Variants in TOP3A observed in about 807,000 individuals in gnomAD.
TOP3A encodes DNA topoisomerase III alpha.
In TOP3A, 64 loss-of-function variants were observed where a neutral mutation model predicts 111.3. That is an observed-to-expected ratio of 0.57 (90% CI 0.47 to 0.71). TOP3A has a LOEUF of 0.71. Among genes scored for constraint, TOP3A ranks in the 30% least tolerant of loss-of-function variants. The probability of loss-of-function intolerance (pLI) is 0.00; values close to 1 mark genes in which losing one functional copy is unlikely to be tolerated. For missense variants in TOP3A, 1,104 were observed against 1,285.0 expected (o/e 0.86, Z 2.15); for synonymous variants, 484 against 485.1 (o/e 1.00, Z 0.03).
chr17:18,302,027 A>G (rs371249024), intron 7 of TOP3A, 42 bp from the exon 8 acceptor site: 164 of 1,573,120 alleles, frequency 1.0e-4, no homozygotes, highest in Non-Finnish European at 1.3e-4. Context: ...TGTCTCAGAG[A>G]CATGTCATGA....
chr17:18,302,548 T>C (rs1315476574), intron 6 of TOP3A, 32 bp downstream of exon 6: 3 of 1,607,786 alleles, frequency 1.9e-6, no homozygotes, highest in East Asian at 2.2e-5. Context: ...AACATTAATG[T>C]GGCCATGGGA....
rs1567731583 is a variant in TOP3A at position 18,274,969 on chromosome 17, CTCCAGAAGTCCCTGTCG to C, written c.2828-6_2838del. On this transcript the variant is annotated splice_acceptor_variant and splice_polypyrimidine_tract_variant and coding_sequence_variant and intron_variant, in exon 19 of 19. Transcript: ENST00000321105. LOFTEE classifies it high-confidence loss of function. ...CCTCTGTCTCCTGTCCAGGACGGGG[CTCCAGAAGTCCCTGTCG>C]GGAGAGTCAGGGGAGGGGTGAGGTT... is the stretch of plus-strand genomic sequence containing the variant. The C allele has an allele frequency of 6.2e-7, 1 of 1,613,624 alleles. No homozygotes were observed. The highest frequency in any genetic ancestry group is 1.7e-5 in the Admixed American group (1 of 59,914).
At chr17:18,301,828 A>G in intron 8 of TOP3A, 57 bp downstream of exon 8, 2 of 1,404,478 alleles carry the variant, frequency 1.4e-6, no homozygotes, top group South Asian at 2.3e-5. Flanking sequence ...CTCTGCCGAC[A>G]GTGGGAGTGG....
intron 1 of TOP3A, chr17:18,313,032 C>T (rs1982010210): frequency 6.6e-6 from 1 of 152,430 alleles, no homozygotes; most frequent in South Asian, 2.1e-4. Context: ...ATCGCTTGAA[C>T]CCGGGAGGCG....
In TOP3A at chr17:18,305,135, T is replaced by C; in HGVS notation, c.476A>G (p.Glu159Gly). Residue 159 changes from glutamate to glycine, a missense_variant, in exon 5 of 19, where the codon GAG becomes GGG. Transcript: ENST00000321105. ...CDREGENIGF[E>G]IIHVCKAVKP... ...ACCAGCCTTACACACGTGGATAATCTCAAACCCGATGTTTTCGCCTTCTCT... is the reference window on the plus strand; with the variant it reads ...ACCAGCCTTACACACGTGGATAATCCCAAACCCGATGTTTTCGCCTTCTCT... 3 of 1,614,128 alleles carry C rather than the reference T, an allele frequency of 1.9e-6. No homozygotes were observed. Among genetic ancestry groups the C allele is most frequent in the Non-Finnish European group, 2.5e-6 (3 of 1,179,990 alleles).
intron 4 of TOP3A, among the ~76,000 whole-genome samples, chr17:18,305,550 C>T (rs919198844): frequency 8.6e-5 from 13 of 152,018 alleles, no homozygotes; most frequent in African/African-American, 2.4e-4. Flanking sequence ...TTAAAAAAAA[C>T]GAAGCCGGCT....
intron 15 of TOP3A, among the ~76,000 whole-genome samples, chr17:18,284,456 T>C (rs1979966877): frequency 6.6e-6 from 1 of 152,182 alleles, no homozygotes; most frequent in African/African-American, 2.4e-5. Context: ...ATCACAGGGT[T>C]GGTTCCCTGA....
rs902728314 is a variant in TOP3A at position 18,286,037 on chromosome 17, CA to C, written c.1598-518del. 9.2e-5 allele frequency among the ~76,000 whole-genome samples: 14 copies of C among 151,778 alleles called. No individual in the cohort carries two copies. In the East Asian group the frequency reaches 2.7e-3, roughly 29 times the overall value. The stretch of plus-strand genomic sequence containing the variant: ...CAACATGCTGAAACCCTGTCTCTAT[CA>C]AAAATACAAAAATTAGCAGGGTGTG... On this transcript the variant is annotated intron_variant, in intron 13 of 18. Transcript: ENST00000321105.
rs1981067784 is a variant in TOP3A, at chr17:18,299,256, T to A, written c.990+303A>T. 2.6e-5 allele frequency among the ~76,000 whole-genome samples: 4 copies of A among 152,008 alleles called. No individual in the cohort carries two copies. The South Asian group carries it at 8.3e-4, about 31-fold the overall frequency. On this transcript the variant is annotated intron_variant, in intron 9 of 18. Transcript: ENST00000321105. ...GCCTAGTCAACATAGTGAGATTCCA[T>A]CTCTACCAAAAAATTTTAAAAATAA...
At chr17:18,284,832 G>C (rs567182799) in intron 15 of TOP3A, among the ~76,000 whole-genome samples, 1 of 152,278 alleles carries the variant, frequency 6.6e-6, no homozygotes, top group African/African-American at 2.4e-5. Flanking sequence ...AAAGCCAATA[G>C]TTCAGAATAA....
intron 9 of TOP3A, among the ~76,000 whole-genome samples, chr17:18,297,811 A>C (rs1017435649): frequency 6.6e-6 from 1 of 151,944 alleles, no homozygotes; most frequent in Non-Finnish European, 1.5e-5. Context: ...GGCCTCCCAA[A>C]GTGCCGAGAT....
In TOP3A at chr17:18,314,759, C is replaced by T. The variant is rs1347408530; in HGVS notation, c.20G>A (p.Arg7His). The change falls in exon 1 of 19, where the codon CGC (arginine) becomes CAC (histidine). Residue 7 changes from arginine (R) to histidine (H), a missense_variant. Transcript: ENST00000321105. MIFPVA[R>H]YALRWLRRPE... ...CCGTCGCAGCCACCGGAGCGCGTAGCGGGCGACAGGAAAGATCATCCTCAG... is the reference window on the plus strand; with the variant it reads ...CCGTCGCAGCCACCGGAGCGCGTAGTGGGCGACAGGAAAGATCATCCTCAG... 1 of 1,556,070 alleles carries T rather than the reference C, an allele frequency of 6.4e-7. No individual in the cohort carries two copies.
intron 13 of TOP3A, among the ~76,000 whole-genome samples, chr17:18,290,340 A>G (rs1980387132): frequency 2.6e-5 from 4 of 152,332 alleles, no homozygotes; most frequent in African/African-American, 7.2e-5. Flanking sequence ...ATGGTTTAAG[A>G]GCACTGACTG....
At chr17:18,308,523 T>C (rs2142991326) in intron 2 of TOP3A, 99 bp from the exon 3 acceptor site, 2 of 790,720 alleles carry the variant, frequency 2.5e-6, no homozygotes, top group East Asian at 5.6e-5. Context: ...TAAAGACATT[T>C]TTAAAAACCT....
In TOP3A at chr17:18,311,580, C is replaced by T. The variant is rs564478203; in HGVS notation, c.181-2639G>A. Reference sequence around the variant, plus strand: ...AACTGCTGGGATTACAGGCATGAGCCGCTGCGCTCAGCCCAAGTATTAATA... The same window carrying T: ...AACTGCTGGGATTACAGGCATGAGCTGCTGCGCTCAGCCCAAGTATTAATA... On this transcript the variant is annotated intron_variant, in intron 1 of 18. Coordinates refer to ENST00000321105, the MANE Select transcript of TOP3A (RefSeq NM_004618.5). 2.0e-4 allele frequency among the ~76,000 whole-genome samples: 30 copies of T among 152,304 alleles called. No individual in the cohort carries two copies. In the South Asian group the frequency reaches 2.9e-3, roughly 15 times the overall value.
chr17:18,278,048 C>T lies in TOP3A; in HGVS notation c.2454G>A (p.Glu818=), dbSNP rs1463713203. The T allele has an allele frequency of 1.9e-6, 3 of 1,614,220 alleles. No individual in the cohort carries two copies. Among genetic ancestry groups the T allele is most frequent in the South Asian group, 2.2e-5 (2 of 91,092 alleles). Residue 818 remains glutamate (E), a synonymous_variant, in exon 18 of 19, where the codon GAG becomes GAA. Coordinates refer to ENST00000321105, the MANE Select transcript of TOP3A (RefSeq NM_004618.5). The part of the protein sequence containing the change: ...SNSVTCNCGQ[E]AVLLTVRKEG... ...CCTTACGGACAGTGAGCAGCACAGC[C>T]TCCTGGCCACAGTTGCAGGTCACAG... is the stretch of plus-strand genomic sequence containing the variant.
In TOP3A at chr17:18,273,905, G is replaced by A. The variant is rs549720173; in HGVS notation, c.*897C>T. 6.6e-6 allele frequency: 1 copy of A among 152,178 alleles called. No individual in the cohort carries two copies. The highest frequency in any genetic ancestry group is 6.5e-5 in the Admixed American group (1 of 15,276). The allele number at this position is 152,178 out of a possible 1,614,324, so 9.4% of individuals were successfully genotyped here. The stretch of plus-strand genomic sequence containing the variant: ...TCCCTAAGTGCTGGATTACAGGTGT[G>A]AGCCTCCACGCCCTGCCGGGGTTGG... On this transcript the variant is annotated 3_prime_UTR_variant, in exon 19 of 19. Transcript: ENST00000321105.
At position 18,302,636 on chromosome 17, in the gene TOP3A, G is replaced by A; in HGVS notation, c.587C>T (p.Pro196Leu). Residue 196 changes from proline to leucine, a missense_variant, in exon 6 of 19, where the codon CCT becomes CTT. Coordinates refer to ENST00000321105, the MANE Select transcript of TOP3A (RefSeq NM_004618.5). ...VRTACENLTEPDQRVSDAVDV... is the reference protein window; with the variant it reads ...VRTACENLTELDQRVSDAVDV... ...CACAGCATCGCTCACCCTCTGATCA[G>A]GCTCGGTCAGGTTTTCACAAGCTGT... 4 of 1,614,192 alleles carry A rather than the reference G, an allele frequency of 2.5e-6. No homozygotes were observed. The highest frequency in any genetic ancestry group is 3.4e-6 in the Non-Finnish European group (4 of 1,180,026).
rs756694780 is a variant in TOP3A, at chr17:18,285,506, G to C, written c.1612C>G (p.His538Asp). 30 of 1,613,894 alleles carry C rather than the reference G, an allele frequency of 1.9e-5. No homozygotes were observed. The highest frequency in any genetic ancestry group is 2.5e-5 in the Non-Finnish European group (29 of 1,180,020). Residue 538 changes from histidine to aspartate, a missense_variant, in exon 14 of 19, where the codon CAT (histidine) becomes GAT (aspartate). Coordinates refer to ENST00000321105, the MANE Select transcript of TOP3A (RefSeq NM_004618.5). ...TTGATGGTCTCGATGTGCTCCGCAT[G>C]AGTGGCATCCGTACCTGGAAGCCAC... is the stretch of plus-strand genomic sequence containing the variant. ...EKHGIGTDAT[H>D]AEHIETIKAR...
Sources: allele counts gnomAD v4.1 joint callset (sites outside exome capture counted in the v4.1 genomes callset), GRCh38; gene constraint gnomAD v4.1.1; transcripts MANE v1.5; gene names NCBI Gene and HGNC (gene_info 2026-07-23, HGNC 2026-07-21).